CDK17: variants seen among roughly 807,000 people sequenced by gnomAD.
CDK17 encodes cyclin dependent kinase 17.
Under a neutral mutation model 77.6 loss-of-function variants are expected in CDK17, and 24 were observed. The observed-to-expected ratio is 0.31, with a 90% CI of 0.22 to 0.44. The LOEUF (loss-of-function observed/expected upper bound fraction) is 0.44, where lower values mean the gene tolerates loss of function less well. CDK17 is among the 20% of genes least tolerant of loss of function. The pLI is 1.00. For synonymous variants in CDK17, 203 were observed against 210.4 expected (o/e 0.96, Z 0.30); for missense variants, 429 against 622.5 (o/e 0.69, Z 3.31).
intron 5 of CDK17, 79 bp downstream of exon 5, chr12:96,310,973 A>C: frequency 7.1e-7 from 1 of 1,414,154 alleles, no homozygotes; most frequent in South Asian, 1.4e-5. Flanking sequence ...TATAAAAATT[A>C]ATTTAAAATG....
chr12:96,374,567 C>T (rs773218147), intron 1 of CDK17, among the ~76,000 whole-genome samples: 12 of 152,202 alleles, frequency 7.9e-5, no homozygotes, highest in Non-Finnish European at 1.5e-4. Context: ...AACCCCTTCC[C>T]CTTCATCCCA....
intron 1 of CDK17, among the ~76,000 whole-genome samples, chr12:96,383,762 A>G (rs538501540): frequency 6.6e-6 from 1 of 152,338 alleles, no homozygotes; most frequent in Non-Finnish European, 1.5e-5. Flanking sequence ...TTTGTCCTAT[A>G]CAAAAATTAA....
chr12:96,394,758 T>A (rs1954139418), intron 1 of CDK17, among the ~76,000 whole-genome samples: 1 of 137,186 alleles, frequency 7.3e-6, no homozygotes. Flanking sequence ...ACTGCAACAC[T>A]GCACTCCAGC....
intron 9 of CDK17, 75 bp downstream of exon 9, chr12:96,297,195 T>C (rs1952419413): frequency 6.9e-6 from 6 of 871,358 alleles, no homozygotes; most frequent in Non-Finnish European, 1.1e-5. Context: ...GTTATGAGGC[T>C]GGTACATTTC....
At chr12:96,301,808 T>C (rs887148546) in intron 5 of CDK17, among the ~76,000 whole-genome samples, 1 of 152,170 alleles carries the variant, frequency 6.6e-6, no homozygotes, top group Admixed American at 6.5e-5. Flanking sequence ...TAATTAGACT[T>C]GCATCACTTA....
intron 1 of CDK17, among the ~76,000 whole-genome samples, chr12:96,347,279 C>T (rs906303084): frequency 4.6e-5 from 7 of 151,816 alleles, no homozygotes; most frequent in South Asian, 4.2e-4. Context: ...AAATACAGGA[C>T]GTGGCTGGGT....
intron 1 of CDK17, among the ~76,000 whole-genome samples, chr12:96,385,093 C>T (rs1292018632): frequency 6.6e-6 from 1 of 150,926 alleles, no homozygotes. Flanking sequence ...GCGGGCAGAT[C>T]ATAAGGTCAG....
intron 5 of CDK17, among the ~76,000 whole-genome samples, chr12:96,310,654 A>G (rs186232051): frequency 6.6e-6 from 1 of 151,644 alleles, no homozygotes; most frequent in Admixed American, 6.6e-5. Context: ...TACTGGTTAC[A>G]CAGGTATATT....
intron 5 of CDK17, among the ~76,000 whole-genome samples, chr12:96,306,810 C>T (rs1030248913): frequency 7.9e-5 from 12 of 152,152 alleles, no homozygotes; most frequent in Non-Finnish European, 1.3e-4. Flanking sequence ...CACATGCCCT[C>T]CCTTCACTGA....
At chr12:96,371,109 C>T (rs907772874) in intron 1 of CDK17, among the ~76,000 whole-genome samples, 3 of 151,444 alleles carry the variant, frequency 2.0e-5, no homozygotes, top group African/African-American at 7.3e-5. Context: ...TCTTTGTGTC[C>T]CTCCCTGCCC....
At chr12:96,372,796 A>G (rs7304160) in intron 1 of CDK17, among the ~76,000 whole-genome samples, 8,188 of 152,314 alleles carry the variant, frequency 0.054, 290 homozygotes, top group East Asian at 0.12. Context: ...AGGGTAAAAT[A>G]TGCATATACA....
rs975703097 is a variant in CDK17, at chr12:96,400,022, G to A, written c.-66C>T. On this transcript the variant is annotated 5_prime_UTR_variant, in exon 1 of 17. Transcript: ENST00000261211. ...GGGACCGCGGGTCCCGAGGCGAGGC[G>A]AAGAGAGGCGCGGGGGGAAGCTGCT... 195 of 385,468 alleles carry A rather than the reference G, an allele frequency of 5.1e-4. 1 individual carries two copies. Among genetic ancestry groups the A allele is most frequent in the African/African-American group, 3.9e-3 (187 of 48,126 alleles). The allele number at this position is 385,468 out of a possible 1,614,324, so 23.9% of individuals were successfully genotyped here.
intron 2 of CDK17, among the ~76,000 whole-genome samples, chr12:96,328,440 T>C (rs1952919393): frequency 6.6e-6 from 1 of 152,168 alleles, no homozygotes; most frequent in Admixed American, 6.5e-5. Context: ...AACTGGTCCC[T>C]GATGCCAGAA....
At chr12:96,350,452 G>A (rs12830914) in intron 1 of CDK17, among the ~76,000 whole-genome samples, 9,429 of 151,824 alleles carry the variant, frequency 0.062, 380 homozygotes, top group Admixed American at 0.091. Flanking sequence ...GAGGTCTTAT[G>A]TGTCCCCATT....
At chr12:96,369,595 C>T (rs922769740) in intron 1 of CDK17, among the ~76,000 whole-genome samples, 42 of 151,998 alleles carry the variant, frequency 2.8e-4, no homozygotes, top group African/African-American at 8.9e-4. Context: ...CTGGACAACA[C>T]GGAGAAACCT....
chr12:96,302,778 A>C (rs968608926), intron 5 of CDK17, among the ~76,000 whole-genome samples: 6 of 152,174 alleles, frequency 3.9e-5, no homozygotes, highest in African/African-American at 1.4e-4. Context: ...GTTTGCTTTA[A>C]AGACTATGTA....
chr12:96,297,925 G>C (rs575468967), intron 7 of CDK17, among the ~76,000 whole-genome samples: 3 of 148,098 alleles, frequency 2.0e-5, no homozygotes, highest in African/African-American at 5.0e-5. Flanking sequence ...GGGCAACAAT[G>C]CTATTTAAAA....
In CDK17 at chr12:96,322,248, G is replaced by A. The variant is rs140986054; in HGVS notation, c.283+1700C>T. Among the ~76,000 whole-genome samples, 74 of 152,196 alleles carry A rather than the reference G, an allele frequency of 4.9e-4. 1 individual carries two copies. Among genetic ancestry groups the A allele is most frequent in the South Asian group, 2.1e-3 (10 of 4,824 alleles). ...TCTGCTGATCAGGTAATGTAACAGC[G>A]GCAGATACAACATACTTTTCTCCTC... On this transcript the variant is annotated intron_variant, in intron 3 of 16. Transcript: ENST00000261211.
chr12:96,302,157 C>T (rs186056239), intron 5 of CDK17, among the ~76,000 whole-genome samples: 8 of 152,136 alleles, frequency 5.3e-5, no homozygotes, highest in East Asian at 3.9e-4. Context: ...TTAAGTCCTT[C>T]GCTTTCTAGT....
Sources: allele counts gnomAD v4.1 joint callset (sites outside exome capture counted in the v4.1 genomes callset), GRCh38; gene constraint gnomAD v4.1.1; transcripts MANE v1.5; gene names NCBI Gene and HGNC (gene_info 2026-07-23, HGNC 2026-07-21).